Variants in FMR1NB observed in about 807,000 individuals in gnomAD.
FMR1NB encodes FMR1 neighbor, also known as FMR1 neighbor protein.
Under a neutral mutation model 16.8 loss-of-function variants are expected in FMR1NB, and 10 were observed. The ratio of observed to expected loss-of-function variants is 0.60; its 90% CI spans 0.37 to 1.01. The LOEUF (loss-of-function observed/expected upper bound fraction) is 1.01, where lower values mean the gene tolerates loss of function less well. FMR1NB is among the 50% of genes least tolerant of loss of function. FMR1NB has a pLI of 0.01. For synonymous variants in FMR1NB, 83 were observed against 79.1 expected (o/e 1.05, Z -0.26); for missense variants, 205 against 204.8 (o/e 1.00, Z 0.00).
chrX:148,009,919 T>A (rs1299502787), intron 4 of FMR1NB, among the ~76,000 whole-genome samples: 1 of 111,948 alleles, frequency 8.9e-6, no homozygotes, highest in Non-Finnish European at 1.9e-5. Context: ...AAAGGTTGAT[T>A]TTGTATTAAA....
intron 1 of FMR1NB, among the ~76,000 whole-genome samples, chrX:147,986,821 A>G (rs912523110): frequency 6.3e-5 from 7 of 111,775 alleles, no homozygotes; most frequent in African/African-American, 2.0e-4. Context: ...TTGGTTCCAT[A>G]TGAAATTTAA....
At chrX:148,015,510 T>G (rs1166656740) in intron 4 of FMR1NB, among the ~76,000 whole-genome samples, 4 of 111,940 alleles carry the variant, frequency 3.6e-5, no homozygotes, top group Non-Finnish European at 7.5e-5. Context: ...TTTTGGTATA[T>G]CATGTTTCCA....
chrX:148,021,584 G>A (rs782159819), intron 4 of FMR1NB, among the ~76,000 whole-genome samples: 3 of 110,484 alleles, frequency 2.7e-5, no homozygotes, highest in Non-Finnish European at 5.7e-5. Flanking sequence ...CTTCAATGAT[G>A]TATGTTTTTG....
chrX:147,993,585 G>A (rs1016744890), intron 1 of FMR1NB, among the ~76,000 whole-genome samples: 3 of 110,265 alleles, frequency 2.7e-5, no homozygotes, highest in Non-Finnish European at 5.7e-5. Context: ...ATCTCACAGA[G>A]CCCTTTTCTC....
At chrX:148,014,489 A>G (rs1391406711) in intron 4 of FMR1NB, among the ~76,000 whole-genome samples, 1 of 112,110 alleles carries the variant, frequency 8.9e-6, no homozygotes, top group Non-Finnish European at 1.9e-5. Flanking sequence ...GCTGTGAAGG[A>G]CAAAGAAGCA....
intron 1 of FMR1NB, among the ~76,000 whole-genome samples, chrX:147,992,955 T>C: frequency 9.7e-6 from 1 of 103,333 alleles, no homozygotes; most frequent in Admixed American, 9.9e-5. Context: ...GCAGAGGGGC[T>C]CCTCACATCC....
intron 1 of FMR1NB, among the ~76,000 whole-genome samples, chrX:148,002,265 A>G (rs782443832): frequency 4.5e-5 from 5 of 111,754 alleles, no homozygotes; most frequent in African/African-American, 1.6e-4. Context: ...CTGATTATGA[A>G]AGTTGCAAAT....
At chrX:148,005,954 TAACAC>T (rs1173486519) in intron 2 of FMR1NB, among the ~76,000 whole-genome samples, 1 of 112,286 alleles carries the variant, frequency 8.9e-6, no homozygotes, top group African/African-American at 3.2e-5. Flanking sequence ...ATTCTGGCCT[TAACAC>T]ATAGACATAC....
chrX:148,013,642 G>A (rs1245918345), intron 4 of FMR1NB, among the ~76,000 whole-genome samples: 1 of 111,695 alleles, frequency 9.0e-6, no homozygotes, highest in East Asian at 2.8e-4. Context: ...AATTTCTATG[G>A]TATTTTCTGA....
chrX:148,019,981 C>G (rs1195553334), intron 4 of FMR1NB, among the ~76,000 whole-genome samples: 2 of 112,511 alleles, frequency 1.8e-5, no homozygotes, highest in African/African-American at 3.2e-5. Flanking sequence ...GCCTTGTATC[C>G]TTCCCTTCAG....
intron 2 of FMR1NB, among the ~76,000 whole-genome samples, chrX:148,004,172 A>G (rs935498437): frequency 8.9e-6 from 1 of 112,288 alleles, no homozygotes; most frequent in Non-Finnish European, 1.9e-5. Context: ...AAATACTGCC[A>G]TGGTCAAATT....
chrX:147,983,654 G>T (rs1803798726), intron 1 of FMR1NB, among the ~76,000 whole-genome samples: 1 of 112,010 alleles, frequency 8.9e-6, no homozygotes, highest in Admixed American at 9.5e-5. Context: ...TACCTGATTT[G>T]CAAATGTTTC....
intron 1 of FMR1NB, among the ~76,000 whole-genome samples, chrX:147,985,737 G>A (rs1352435832): frequency 1.8e-5 from 2 of 111,955 alleles, no homozygotes; most frequent in African/African-American, 6.5e-5. Flanking sequence ...ATTTGGGTTG[G>A]TTCCAAGTCT....
chrX:148,000,564 CAAATATATT>C (rs2044565686), intron 1 of FMR1NB, among the ~76,000 whole-genome samples: 1 of 111,692 alleles, frequency 9.0e-6, no homozygotes, highest in African/African-American at 3.3e-5. Flanking sequence ...TTAATATTGG[CAAATATATT>C]AATAACATTC....
chrX:147,994,054 C>T (rs1292026164), intron 1 of FMR1NB, among the ~76,000 whole-genome samples: 1 of 111,496 alleles, frequency 9.0e-6, no homozygotes, highest in Non-Finnish European at 1.9e-5. Flanking sequence ...TCCCAACCCC[C>T]TCACAAACGT....
chrX:148,009,204 G>A (rs2044611975), intron 4 of FMR1NB, among the ~76,000 whole-genome samples: 1 of 111,063 alleles, frequency 9.0e-6, no homozygotes, highest in Non-Finnish European at 1.9e-5. Context: ...TAAAATGCGT[G>A]TTATTTTATT....
At chrX:148,024,775 C>A in intron 4 of FMR1NB, 90 bp from the exon 5 acceptor site, 2 of 1,050,819 alleles carry the variant, frequency 1.9e-6, no homozygotes, top group Non-Finnish European at 2.6e-6. Flanking sequence ...GTATAGTTAT[C>A]TGGGCAAATA....
chrX:148,014,360 C>G (rs1182219582), intron 4 of FMR1NB, among the ~76,000 whole-genome samples: 4 of 112,040 alleles, frequency 3.6e-5, no homozygotes, highest in Non-Finnish European at 7.5e-5. Flanking sequence ...TCCCTCTAAT[C>G]CATCCTGCAA....
chrX:148,010,112 T>C (rs1462836770), intron 4 of FMR1NB, among the ~76,000 whole-genome samples: 2 of 111,547 alleles, frequency 1.8e-5, no homozygotes, highest in Non-Finnish European at 3.8e-5. Context: ...TTTTTTTTTC[T>C]CTAAAATGAA....
Sources: gnomAD v4.1 joint callset for allele counts (sites outside exome capture counted in the v4.1 genomes callset) on GRCh38, gnomAD v4.1.1 for gene constraint, MANE v1.5 for transcripts, NCBI Gene and HGNC (gene_info 2026-07-23, HGNC 2026-07-21) for gene names.